Variants in UBE2F observed in about 807,000 individuals in gnomAD.
UBE2F encodes ubiquitin conjugating enzyme E2 F (putative), also known as NEDD8-conjugating enzyme UBE2F.
UBE2F carries 5 observed loss-of-function variants against 29.6 expected under a neutral mutation model. The observed-to-expected ratio is 0.17, with a 90% CI of 0.09 to 0.36. The LOEUF (loss-of-function observed/expected upper bound fraction) is 0.36, where lower values mean the gene tolerates loss of function less well. Ranked by LOEUF, UBE2F falls within the 10% of genes least tolerant of loss-of-function variation. UBE2F has a pLI of 1.00. For synonymous variants in UBE2F, 66 were observed against 81.8 expected, an observed-to-expected ratio of 0.81 and a Z score of 1.04; for missense variants, 141 against 228.5, an observed-to-expected ratio of 0.62 and a Z score of 2.47.
At chr2:238,025,519 A>G in intron 6 of UBE2F, 107 bp downstream of exon 6, 5 of 1,039,984 alleles carry the variant, frequency 4.8e-6, no homozygotes, top group Non-Finnish European at 7.3e-6. Flanking sequence ...CATGGCCAAG[A>G]TTAGGAAGGG....
chr2:237,993,241 C>T (rs146412766), intron 3 of UBE2F, among the ~76,000 whole-genome samples: 3,204 of 152,166 alleles, frequency 0.021, 118 homozygotes, highest in African/African-American at 0.074. Context: ...CTGCCTTGGC[C>T]TCCCAAAGTT....
intron 8 of UBE2F, among the ~76,000 whole-genome samples, chr2:238,034,540 A>G (rs2064660813): frequency 6.6e-6 from 1 of 152,248 alleles, no homozygotes; most frequent in Non-Finnish European, 1.5e-5. Context: ...TTAAGTCTGT[A>G]ATGGTTATTC....
chr2:238,028,987 T>C (rs1158449621), intron 6 of UBE2F: 1 of 152,196 alleles, frequency 6.6e-6, no homozygotes, highest in Non-Finnish European at 1.5e-5. Context: ...TTTTTTTTAC[T>C]TTTTAAGATT....
intron 6 of UBE2F, 146 bp from the exon 7 acceptor site, chr2:238,030,410 A>G (rs1333937878): frequency 8.1e-6 from 5 of 617,952 alleles, no homozygotes; most frequent in Non-Finnish European, 1.5e-5. Flanking sequence ...CTTCCTCAGC[A>G]AGAGAAAACT....
At chr2:237,987,921 A>C in intron 2 of UBE2F, 42 bp from the exon 3 acceptor site, 1 of 1,100,832 alleles carries the variant, frequency 9.1e-7, no homozygotes, top group Non-Finnish European at 1.3e-6. Flanking sequence ...TTTTATGTGG[A>C]GTAATTGACT....
At position 238,003,498 on chromosome 2, in the gene UBE2F, T is replaced by A. The variant is rs74987052; in HGVS notation, c.214+8689T>A. Reference sequence around the variant, plus strand: ...GCCTTAAATGTAACTCCAAGTCAGATTCTCTCGTGGGATGCTCAGGCTTCC... The same window carrying A: ...GCCTTAAATGTAACTCCAAGTCAGAATCTCTCGTGGGATGCTCAGGCTTCC... On this transcript the variant is annotated intron_variant, in intron 4 of 9. Coordinates refer to ENST00000272930, the MANE Select transcript of UBE2F (RefSeq NM_080678.3). 7.2e-3 allele frequency: 3,173 copies of A among 442,466 alleles called. 87 individuals carry two copies. The highest frequency in any genetic ancestry group is 0.058 in the African/African-American group (2,911 of 49,820). The allele number at this position is 442,466 out of a possible 1,614,324, so 27.4% of individuals were successfully genotyped here.
At chr2:238,030,823 CTT>C (rs1431389989) in intron 7 of UBE2F, among the ~76,000 whole-genome samples, 5 of 152,258 alleles carry the variant, frequency 3.3e-5, no homozygotes, top group African/African-American at 1.2e-4. Flanking sequence ...TCCTTGTTGA[CTT>C]TGCCAGGCAC....
chr2:237,979,622 A>G (rs2063344411), intron 2 of UBE2F, among the ~76,000 whole-genome samples: 1 of 152,116 alleles, frequency 6.6e-6, no homozygotes, highest in Non-Finnish European at 1.5e-5. Context: ...CAAGGGGAGG[A>G]TGTAAGGCAG....
chr2:237,973,742 A>C, intron 2 of UBE2F: 1 of 1,256,464 alleles, frequency 8.0e-7, no homozygotes. Flanking sequence ...TCTGCTATCC[A>C]TGTTGGTGAG....
chr2:237,993,177 G>A lies in UBE2F; in HGVS notation c.149-1567G>A, dbSNP rs987397684. On this transcript the variant is annotated intron_variant, in intron 3 of 9. Transcript: ENST00000272930. ...TAATTTTTGTATTTTTAGTAGAGAC[G>A]GGGTTTCACCACGTTGGCCAGGCTG... is the stretch of plus-strand genomic sequence containing the variant. Among the ~76,000 whole-genome samples, 5 of 151,822 alleles carry A rather than the reference G, an allele frequency of 3.3e-5. No individual in the cohort carries two copies. The East Asian group carries it at 5.8e-4, about 18-fold the overall frequency.
intron 1 of UBE2F, among the ~76,000 whole-genome samples, chr2:237,970,150 C>A (rs6759358): frequency 0.86 from 131,474 of 152,166 alleles, 56,989 homozygotes; most frequent in East Asian, 0.97. Flanking sequence ...GGATTGCTTC[C>A]GCTCAGGAAT....
chr2:238,031,682 GGC>G lies in UBE2F; in HGVS notation c.412-539_412-538del, dbSNP rs1378838267. ...AGGTCAGTACAGATAGAACAACTCT[GGC>G]TTTCAGTTTTATTTAATGAAAATCT... On this transcript the variant is annotated intron_variant, in intron 7 of 9. Coordinates refer to ENST00000272930, the MANE Select transcript of UBE2F (RefSeq NM_080678.3). Among the ~76,000 whole-genome samples, 60 of 152,312 alleles carry G rather than the reference GGC, an allele frequency of 3.9e-4. 1 individual carries two copies. Among genetic ancestry groups the G allele is most frequent in the African/African-American group, 1.3e-3 (53 of 41,564 alleles).
chr2:238,006,916 C>T (rs573810436), intron 4 of UBE2F, among the ~76,000 whole-genome samples: 6 of 152,096 alleles, frequency 3.9e-5, no homozygotes, highest in East Asian at 1.9e-4. Flanking sequence ...CCACCACACC[C>T]GGCTAATTTT....
At chr2:238,020,129 A>AATG (rs1286584893) in intron 5 of UBE2F, among the ~76,000 whole-genome samples, 1 of 152,152 alleles carries the variant, frequency 6.6e-6, no homozygotes, top group Non-Finnish European at 1.5e-5. Flanking sequence ...CCATATTTAT[A>AATG]ATGAATCATT....
At chr2:238,012,044 ATT>A (rs34003831) in intron 4 of UBE2F, among the ~76,000 whole-genome samples, 2 of 131,490 alleles carry the variant, frequency 1.5e-5, no homozygotes, top group Non-Finnish European at 3.2e-5. Flanking sequence ...ACACCTGGCA[ATT>A]TTTTTTTTTT....
intron 3 of UBE2F, among the ~76,000 whole-genome samples, chr2:237,993,534 G>A (rs967307553): frequency 1.1e-4 from 16 of 152,058 alleles, no homozygotes; most frequent in African/African-American, 3.6e-4. Context: ...GTAACATGGC[G>A]AAAACCTGTC....
At chr2:238,032,440 C>A in intron 8 of UBE2F, 186 bp downstream of exon 8, 1 of 565,136 alleles carries the variant, frequency 1.8e-6, no homozygotes. Flanking sequence ...GAGGCCCAAA[C>A]CCCATCTCTA....
chr2:237,991,415 A>G (rs974845376), intron 3 of UBE2F, among the ~76,000 whole-genome samples: 3 of 152,188 alleles, frequency 2.0e-5, no homozygotes, highest in Non-Finnish European at 2.9e-5. Context: ...AGCTCTGCAC[A>G]TGCAAGTTTT....
intron 3 of UBE2F, 151 bp from the exon 4 acceptor site, chr2:237,994,593 A>G: frequency 1.6e-6 from 1 of 609,300 alleles, no homozygotes; most frequent in Non-Finnish European, 2.9e-6. Flanking sequence ...CACGATTATT[A>G]TCAGACAAAT....
Sources: gnomAD v4.1 joint callset for allele counts (sites outside exome capture counted in the v4.1 genomes callset) on GRCh38, gnomAD v4.1.1 for gene constraint, MANE v1.5 for transcripts, NCBI Gene and HGNC (gene_info 2026-07-23, HGNC 2026-07-21) for gene names.